CFAP43: variants seen among roughly 807,000 people sequenced by gnomAD.
The protein encoded by CFAP43 is cilia- and flagella-associated protein 43.
In CFAP43, 155 loss-of-function variants were observed where a neutral mutation model predicts 218.9. The observed-to-expected ratio is 0.71, with a 90% CI of 0.62 to 0.81. The LOEUF is 0.81. Ranked by LOEUF, CFAP43 falls within the 30% of genes least tolerant of loss-of-function variation. The pLI, the probability that CFAP43 is intolerant of heterozygous loss-of-function variation, is 0.00. For missense variants in CFAP43, 1,778 were observed against 1,954.3 expected (o/e 0.91, Z 1.70); for synonymous variants, 645 against 681.3 (o/e 0.95, Z 0.83).
chr10:104,148,930 C>G (rs145283907), intron 28 of CFAP43, among the ~76,000 whole-genome samples: 8 of 152,238 alleles, frequency 5.3e-5, no homozygotes, highest in Admixed American at 1.3e-4. Flanking sequence ...ATAATCTGTA[C>G]AACAAACTCC....
At chr10:104,153,467 C>G (rs2088377142) in intron 27 of CFAP43, among the ~76,000 whole-genome samples, 1 of 152,130 alleles carries the variant, frequency 6.6e-6, no homozygotes, top group Admixed American at 6.6e-5. Flanking sequence ...TCCCATTCTC[C>G]ATGTTGTGAT....
At chr10:104,167,470 A>G (rs1185997434) in intron 22 of CFAP43, 151 bp downstream of exon 22, 1 of 506,068 alleles carries the variant, frequency 2.0e-6, no homozygotes, top group Non-Finnish European at 3.3e-6. Context: ...TCCTATAGTT[A>G]TTAGAATATA....
At chr10:104,132,080 T>G in intron 36 of CFAP43, 36 bp downstream of exon 36, 1 of 1,452,746 alleles carries the variant, frequency 6.9e-7, no homozygotes, top group Non-Finnish European at 9.5e-7. Flanking sequence ...GATTTACAAC[T>G]GTTAGGATAT....
chr10:104,200,545 C>A (rs1258546866), intron 8 of CFAP43, among the ~76,000 whole-genome samples: 1 of 151,870 alleles, frequency 6.6e-6, no homozygotes, highest in Non-Finnish European at 1.5e-5. Flanking sequence ...GTGGCGCACA[C>A]CTGTAGTCCC....
chr10:104,142,396 A>C lies in CFAP43; in HGVS notation c.4159-3T>G. 3 of 1,610,828 alleles carry C rather than the reference A, an allele frequency of 1.9e-6. No homozygotes were observed. Among genetic ancestry groups the C allele is most frequent in the Non-Finnish European group, 8.5e-7 (1 of 1,178,230 alleles). ...AAGTCAGCTGCTTTCTGCTTTACCT[A>C]AAGAAACCAAGCCAGAAACATGTCA... On this transcript the variant is annotated splice_region_variant and splice_polypyrimidine_tract_variant and intron_variant, in intron 32 of 37. Transcript: ENST00000357060.
chr10:104,207,644 T>C (rs1408373324), intron 6 of CFAP43, 21 bp downstream of exon 6: 2 of 1,602,236 alleles, frequency 1.2e-6, no homozygotes, highest in African/African-American at 1.3e-5. Flanking sequence ...TACAGGAATA[T>C]GAAGTAGGAC....
intron 27 of CFAP43, among the ~76,000 whole-genome samples, chr10:104,154,928 A>T: frequency 6.6e-6 from 1 of 152,156 alleles, no homozygotes; most frequent in East Asian, 1.9e-4. Flanking sequence ...CTCAGAAGCA[A>T]GGCCTGAAAC....
At chr10:104,166,748 T>C (rs780674453) in intron 22 of CFAP43, 30 bp from the exon 23 acceptor site, 2 of 1,548,898 alleles carry the variant, frequency 1.3e-6, no homozygotes, top group Middle Eastern at 1.7e-4. Context: ...ACACAGAAGT[T>C]ATGCAATAAT....
intron 3 of CFAP43, among the ~76,000 whole-genome samples, chr10:104,214,863 C>A (rs879643999): frequency 6.6e-6 from 1 of 151,962 alleles, no homozygotes; most frequent in Admixed American, 6.6e-5. Flanking sequence ...TGGTGCCAGG[C>A]GCGGTGGCTC....
At chr10:104,227,636 T>C (rs754018779) in intron 2 of CFAP43, among the ~76,000 whole-genome samples, 1 of 152,224 alleles carries the variant, frequency 6.6e-6, no homozygotes, top group Non-Finnish European at 1.5e-5. Context: ...TCATTAATGC[T>C]CTGAAAATAT....
intron 12 of CFAP43, among the ~76,000 whole-genome samples, chr10:104,191,792 G>C (rs397847319): frequency 3.7e-4 from 16 of 43,386 alleles, no homozygotes; most frequent in African/African-American, 5.6e-4. Context: ...GTGTGTGTGG[G>C]GGGGGGGAAA....
chr10:104,181,068 A>G (rs531497976), intron 17 of CFAP43, among the ~76,000 whole-genome samples: 7 of 152,268 alleles, frequency 4.6e-5, no homozygotes, highest in African/African-American at 1.2e-4. Flanking sequence ...CTGAACTGGC[A>G]TCTTCACGTG....
At chr10:104,220,641 G>A (rs2091151032) in intron 3 of CFAP43, among the ~76,000 whole-genome samples, 2 of 152,102 alleles carry the variant, frequency 1.3e-5, no homozygotes, top group South Asian at 2.1e-4. Context: ...ATCATGCTGG[G>A]AAGCATTTTC....
rs2089290844 is a variant in CFAP43 at position 104,168,848 on chromosome 10, T to C, written c.2587A>G (p.Met863Val). ...TTATGCATCTCTACATCCTTTATCA[T>C]CTTGAAGAACACAGACAAAGGGAAA... ...HDESQEEVAK[M>V]IKDVEMHNLA... Residue 863 changes from methionine (M) to valine (V), a missense_variant and splice_region_variant, in exon 21 of 38, where the codon ATG becomes GTG. Transcript: ENST00000357060. The C allele has an allele frequency of 6.2e-7, 1 of 1,605,264 alleles. No individual in the cohort carries two copies. The highest frequency in any genetic ancestry group is 8.5e-7 in the Non-Finnish European group (1 of 1,172,790).
In CFAP43 at chr10:104,166,729, A is replaced by G. The variant is rs2089175007; in HGVS notation, c.2809-11T>C. 1.9e-6 allele frequency: 3 copies of G among 1,590,608 alleles called. No individual in the cohort carries two copies. Among genetic ancestry groups the G allele is most frequent in the Non-Finnish European group, 2.6e-6 (3 of 1,168,462 alleles). On this transcript the variant is annotated splice_polypyrimidine_tract_variant and intron_variant, in intron 22 of 37. Transcript: ENST00000357060. ...AATTTCCTTCCGTAGCTACATGTAG[A>G]AAAAGATGACACAGAAGTTATGCAA...
At chr10:104,202,286 C>G (rs997999575) in intron 8 of CFAP43, among the ~76,000 whole-genome samples, 1 of 152,168 alleles carries the variant, frequency 6.6e-6, no homozygotes, top group African/African-American at 2.4e-5. Flanking sequence ...AGTAATCTGT[C>G]TTTTCTCCGA....
intron 27 of CFAP43, 119 bp downstream of exon 27, chr10:104,160,918 T>G: frequency 9.9e-7 from 1 of 1,005,650 alleles, no homozygotes; most frequent in Non-Finnish European, 1.4e-6. Context: ...TCTTGAGAAT[T>G]TAAGCTGAAA....
chr10:104,188,183 C>T, intron 13 of CFAP43, 87 bp downstream of exon 13: 1 of 1,527,966 alleles, frequency 6.5e-7, no homozygotes, highest in Non-Finnish European at 8.8e-7. Context: ...CTTCACATGC[C>T]AAGATAAAAA....
At chr10:104,219,295 C>T (rs907473691) in intron 3 of CFAP43, among the ~76,000 whole-genome samples, 28 of 152,058 alleles carry the variant, frequency 1.8e-4, no homozygotes, top group African/African-American at 6.3e-4. Flanking sequence ...TCCTAAACAC[C>T]TCCCAAATAG....
Sources: gnomAD v4.1 joint callset for allele counts (sites outside exome capture counted in the v4.1 genomes callset) on GRCh38, gnomAD v4.1.1 for gene constraint, MANE v1.5 for transcripts, NCBI Gene and HGNC (gene_info 2026-07-23, HGNC 2026-07-21) for gene names.